The following PDE4B variants were observed in gnomAD, a reference collection of about 807,000 sequenced individuals.
PDE4B encodes 3',5'-cyclic-AMP phosphodiesterase 4B.
A neutral mutation model predicts 82.2 loss-of-function variants in PDE4B; 20 were observed. The ratio of observed to expected loss-of-function variants is 0.24; its 90% CI spans 0.17 to 0.35. PDE4B has a LOEUF of 0.35. Among genes scored for constraint, PDE4B ranks in the 10% least tolerant of loss-of-function variants. PDE4B has a pLI of 1.00. For missense variants in PDE4B, 655 were observed against 907.2 expected (o/e 0.72, Z 3.57); for synonymous variants, 320 against 318.9 (o/e 1.00, Z -0.04).
chr1:66,203,056 CT>C (rs1649164662), intron 3 of PDE4B, among the ~76,000 whole-genome samples: 1 of 150,266 alleles, frequency 6.7e-6, no homozygotes, highest in Non-Finnish European at 1.5e-5. Context: ...GTGACAAAAT[CT>C]CTCAGCATTT....
At position 66,294,925 on chromosome 1, in the gene PDE4B, G is replaced by A. The variant is rs549346181; in HGVS notation, c.634+28838G>A. ...GCTCTGTACCTGAGTGATTCATTTGGTGGAAAACATAGCTGGCTCAGAGAA... is the reference window on the plus strand; with the variant it reads ...GCTCTGTACCTGAGTGATTCATTTGATGGAAAACATAGCTGGCTCAGAGAA... On this transcript the variant is annotated intron_variant, in intron 7 of 16. Coordinates refer to ENST00000341517, the MANE Select transcript of PDE4B (RefSeq NM_002600.4). 3.3e-5 allele frequency among the ~76,000 whole-genome samples: 5 copies of A among 152,260 alleles called. No homozygotes were observed. In the East Asian group the frequency reaches 9.6e-4, roughly 29 times the overall value.
Position 66,368,913 on chromosome 1 carries a change from G to A in PDE4B, c.1789G>A (p.Gly597Arg). 1 of 1,613,442 alleles carries A rather than the reference G, an allele frequency of 6.2e-7. No individual in the cohort carries two copies. Among genetic ancestry groups the A allele is most frequent in the Non-Finnish European group, 8.5e-7 (1 of 1,179,602 alleles). The change falls in exon 16 of 17, where the codon GGA (glycine) becomes AGA (arginine). Residue 597 changes from glycine (G) to arginine (R), a missense_variant. Coordinates refer to ENST00000341517, the MANE Select transcript of PDE4B (RefSeq NM_002600.4). Reference protein sequence around the residue: ...FQQGDKERERGMEISPMCDKH... With the variant: ...FQQGDKERERRMEISPMCDKH... Reference sequence around the variant, plus strand: ...GCAGGGAGACAAAGAGCGGGAGAGGGGAATGGAAATTAGCCCAATGTGTGA... The same window carrying A: ...GCAGGGAGACAAAGAGCGGGAGAGGAGAATGGAAATTAGCCCAATGTGTGA...
At chr1:66,230,151 G>A (rs77980589) in intron 3 of PDE4B, among the ~76,000 whole-genome samples, 3,033 of 152,252 alleles carry the variant, frequency 0.02, 37 homozygotes, top group Middle Eastern at 0.058. Context: ...TGCAGCCCCT[G>A]TCCTAGGCTC....
chr1:65,940,025 T>C (rs901337075), intron 3 of PDE4B, among the ~76,000 whole-genome samples: 1 of 152,004 alleles, frequency 6.6e-6, no homozygotes, highest in African/African-American at 2.4e-5. Flanking sequence ...AACTATAGAA[T>C]GAGATAAATA....
At chr1:66,115,734 G>A (rs970415533) in intron 3 of PDE4B, among the ~76,000 whole-genome samples, 2 of 152,228 alleles carry the variant, frequency 1.3e-5, no homozygotes, top group African/African-American at 4.8e-5. Flanking sequence ...AGTGGAAATA[G>A]TTGATAGTGT....
intron 3 of PDE4B, among the ~76,000 whole-genome samples, chr1:66,188,684 T>C (rs1647422887): frequency 6.6e-6 from 1 of 151,840 alleles, no homozygotes; most frequent in African/African-American, 2.4e-5. Flanking sequence ...TTCCATTTGC[T>C]TGGTAGATCT....
At chr1:66,061,622 A>C (rs928436238) in intron 3 of PDE4B, among the ~76,000 whole-genome samples, 1 of 152,148 alleles carries the variant, frequency 6.6e-6, no homozygotes, top group African/African-American at 2.4e-5. Flanking sequence ...ATTACCATCT[A>C]ATCTGTTGAA....
chr1:66,021,744 G>A lies in PDE4B; in HGVS notation c.281+102909G>A, dbSNP rs375677163. ...GTAGTATAGTTTGAAGTCAGGTAGC[G>A]TGATGCCTCCAGCTTTGTTCTTTTG... On this transcript the variant is annotated intron_variant, in intron 3 of 16. Transcript: ENST00000341517. Among the ~76,000 whole-genome samples, 280 of 152,228 alleles carry A rather than the reference G, an allele frequency of 1.8e-3. 2 individuals are homozygous for A. The highest frequency in any genetic ancestry group is 9.3e-3 in the South Asian group (45 of 4,820).
At chr1:66,334,483 A>G (rs1335828751) in intron 8 of PDE4B, among the ~76,000 whole-genome samples, 3 of 152,200 alleles carry the variant, frequency 2.0e-5, no homozygotes, top group South Asian at 2.1e-4. Flanking sequence ...GAGGATTCCA[A>G]TCCCTCAGGC....
intron 3 of PDE4B, among the ~76,000 whole-genome samples, chr1:66,161,900 T>G (rs1646619933): frequency 6.6e-6 from 1 of 152,220 alleles, no homozygotes; most frequent in South Asian, 2.1e-4. Context: ...GCTTTGTGAC[T>G]TTAAGCAGGT....
intron 1 of PDE4B, among the ~76,000 whole-genome samples, chr1:65,802,023 C>T (rs1645699189): frequency 6.6e-6 from 1 of 152,038 alleles, no homozygotes; most frequent in Non-Finnish European, 1.5e-5. Flanking sequence ...TGACTTAGTG[C>T]AGGGAATTAA....
chr1:66,164,542 A>AAG (rs1400147601), intron 3 of PDE4B, among the ~76,000 whole-genome samples: 1 of 143,538 alleles, frequency 7.0e-6, no homozygotes, highest in Non-Finnish European at 1.5e-5. Context: ...TCTCAAAAAA[A>AAG]AAAAAAAAAA....
At chr1:65,966,901 G>A (rs1016605117) in intron 3 of PDE4B, among the ~76,000 whole-genome samples, 47 of 152,102 alleles carry the variant, frequency 3.1e-4, no homozygotes, top group African/African-American at 1.1e-3. Context: ...ATGGATTAAA[G>A]ACTTAAACAT....
rs571516465 is a variant in PDE4B at position 65,943,204 on chromosome 1, G to A, written c.281+24369G>A. On this transcript the variant is annotated intron_variant, in intron 3 of 16. Transcript: ENST00000341517. The stretch of plus-strand genomic sequence containing the variant: ...GATTTTTGTTTATGGTATGAGATGA[G>A]GGTCTAATTTCATTCTTTTGAATGT... Among the ~76,000 whole-genome samples, 39 of 151,902 alleles carry A rather than the reference G, an allele frequency of 2.6e-4. No individual in the cohort carries two copies. The South Asian group carries it at 7.9e-3, about 31-fold the overall frequency.
chr1:66,146,384 A>G (rs777313544), intron 3 of PDE4B, among the ~76,000 whole-genome samples: 9 of 151,746 alleles, frequency 5.9e-5, no homozygotes, highest in Non-Finnish European at 7.4e-5. Flanking sequence ...GGGGTTTCAC[A>G]GTGTTAGCCA....
At chr1:66,018,743 C>T (rs951839035) in intron 3 of PDE4B, among the ~76,000 whole-genome samples, 1 of 152,110 alleles carries the variant, frequency 6.6e-6, no homozygotes, top group East Asian at 1.9e-4. Flanking sequence ...TGGATACAAT[C>T]TTAAGTTAGT....
intron 3 of PDE4B, among the ~76,000 whole-genome samples, chr1:66,066,109 A>G (rs1223812746): frequency 1.3e-5 from 2 of 151,548 alleles, no homozygotes; most frequent in East Asian, 1.9e-4. Flanking sequence ...AGAAAAATAT[A>G]TAAATAATTT....
chr1:66,125,028 C>G (rs1348189373), intron 3 of PDE4B, among the ~76,000 whole-genome samples: 1 of 151,212 alleles, frequency 6.6e-6, no homozygotes, highest in Non-Finnish European at 1.5e-5. Flanking sequence ...CATCTGTGTG[C>G]TTGAAGTGGC....
chr1:66,102,231 G>A (rs2455014), intron 3 of PDE4B, among the ~76,000 whole-genome samples: 74,836 of 151,694 alleles, frequency 0.49, 18,977 homozygotes, highest in East Asian at 0.67. Context: ...TTTTGGGTTT[G>A]TTTTTGTTTT....
Sources: gnomAD v4.1 joint callset for allele counts (sites outside exome capture counted in the v4.1 genomes callset) on GRCh38, gnomAD v4.1.1 for gene constraint, MANE v1.5 for transcripts, NCBI Gene and HGNC (gene_info 2026-07-23, HGNC 2026-07-21) for gene names.